A2ML1: variants seen among roughly 807,000 people sequenced by gnomAD.
A2ML1 encodes alpha-2-macroglobulin like 1.
A neutral mutation model predicts 181.9 loss-of-function variants in A2ML1; 161 were observed. The observed-to-expected ratio is 0.89, with a 90% CI of 0.78 to 1.01. The LOEUF is 1.01. Among genes scored for constraint, A2ML1 ranks in the 50% least tolerant of loss-of-function variants. The pLI, the probability that A2ML1 is intolerant of heterozygous loss-of-function variation, is 0.00. For synonymous variants in A2ML1, 663 were observed against 666.8 expected, an observed-to-expected ratio of 0.99 and a Z score of 0.09; for missense variants, 1,670 against 1,768.1, an observed-to-expected ratio of 0.94 and a Z score of 1.00.
chr12:8,866,167 CAGT>C (rs973635180), intron 29 of A2ML1, among the ~76,000 whole-genome samples: 25 of 151,856 alleles, frequency 1.6e-4, no homozygotes, highest in African/African-American at 5.8e-4. Context: ...TAGCCGGGCA[CAGT>C]GGTGGGCGCC....
rs776853012 is a variant in A2ML1 at position 8,852,256 on chromosome 12, G to A, written c.2510G>A (p.Trp837Ter). 19 of 1,613,928 alleles carry A rather than the reference G, an allele frequency of 1.2e-5. No homozygotes were observed. Among genetic ancestry groups the A allele is most frequent in the Non-Finnish European group, 1.4e-5 (17 of 1,179,990 alleles). ...AKSHEYQLES[W>*]ADSQTSSCLC... ...TCGCATGAGTACCAGCTAGAATCAT[G>A]GGCAGATTCTCAGACCTCCAGTTGT... is the stretch of plus-strand genomic sequence containing the variant. Residue 837 changes from tryptophan to a stop codon, truncating the protein, a stop_gained, in exon 20 of 36, where the codon TGG becomes TAG. Coordinates refer to ENST00000299698, the MANE Select transcript of A2ML1 (RefSeq NM_144670.6). LOFTEE classifies it high-confidence loss of function. This position sits in a 1 kb window ranked among gnomAD's most constrained non-coding sequence, Gnocchi z 4.2.
intron 7 of A2ML1, among the ~76,000 whole-genome samples, chr12:8,882,520 CTG>C (rs1944881193): frequency 6.6e-6 from 1 of 152,202 alleles, no homozygotes; most frequent in Non-Finnish European, 1.5e-5. Flanking sequence ...CTCATCCAGA[CTG>C]TTGCAAAAAC....
chr12:8,885,517 G>A (rs1181709152), intron 7 of A2ML1, among the ~76,000 whole-genome samples: 1 of 152,028 alleles, frequency 6.6e-6, no homozygotes, highest in Non-Finnish European at 1.5e-5. Flanking sequence ...GAGTACAGTG[G>A]TGCAATCTCA....
rs1943925598 is a variant in A2ML1, at chr12:8,852,425, C to G, written c.2590+89C>G. On this transcript the variant is annotated intron_variant, in intron 20 of 35. Coordinates refer to ENST00000299698, the MANE Select transcript of A2ML1 (RefSeq NM_144670.6). The surrounding 1 kb of genome is among the most constrained non-coding windows in gnomAD (Gnocchi z 4.2). Reference sequence around the variant, plus strand: ...TCAGTCTTTTCCTCTGCCACATCTGCTTTGCTTCCTCCTCCATTTTCCACT... The same window carrying G: ...TCAGTCTTTTCCTCTGCCACATCTGGTTTGCTTCCTCCTCCATTTTCCACT... 1 of 1,554,150 alleles carries G rather than the reference C, an allele frequency of 6.4e-7. No homozygotes were observed. The highest frequency in any genetic ancestry group is 8.8e-7 in the Non-Finnish European group (1 of 1,142,842).
In A2ML1 at chr12:8,843,378, G is replaced by A. The variant is rs1454024382; in HGVS notation, c.1476+17G>A. The stretch of plus-strand genomic sequence containing the variant: ...TCCTACTATGTGAGACCGGGAAACG[G>A]GGACGGGTGAGAGTATGCTGGGAAG... On this transcript the variant is annotated intron_variant, in intron 12 of 35. Coordinates refer to ENST00000299698, the MANE Select transcript of A2ML1 (RefSeq NM_144670.6). The A allele has an allele frequency of 1.2e-6, 2 of 1,609,438 alleles. No individual in the cohort carries two copies. Among genetic ancestry groups the A allele is most frequent in the Admixed American group, 1.7e-5 (1 of 59,912 alleles).
At chr12:8,883,566 C>T (rs1490124651) in intron 7 of A2ML1, among the ~76,000 whole-genome samples, 1 of 152,066 alleles carries the variant, frequency 6.6e-6, no homozygotes, top group African/African-American at 2.4e-5. Flanking sequence ...CAACCTCCAC[C>T]TCCCAGGTTC....
intron 7 of A2ML1, among the ~76,000 whole-genome samples, chr12:8,882,295 T>A (rs1944879232): frequency 6.6e-6 from 1 of 152,176 alleles, no homozygotes; most frequent in Non-Finnish European, 1.5e-5. Flanking sequence ...CCCATAACAA[T>A]GGCCTCTTGA....
intron 3 of A2ML1, among the ~76,000 whole-genome samples, chr12:8,825,746 T>G (rs1942908436): frequency 6.6e-6 from 1 of 152,140 alleles, no homozygotes. Context: ...GATTTAAATC[T>G]TTCATCCATT....
chr12:8,839,868 C>T (rs933204625), intron 10 of A2ML1, among the ~76,000 whole-genome samples: 1 of 152,142 alleles, frequency 6.6e-6, no homozygotes, highest in Non-Finnish European at 1.5e-5. Context: ...CTGTCTCAGC[C>T]TCCTGAGTAG....
At position 8,858,093 on chromosome 12, in the gene A2ML1, A is replaced by T; in HGVS notation, c.3255A>T (p.Thr1085=). 1 of 1,614,126 alleles carries T rather than the reference A, an allele frequency of 6.2e-7. No homozygotes were observed. The highest frequency in any genetic ancestry group is 2.2e-5 in the East Asian group (1 of 44,892). The part of the protein sequence containing the change: ...CYANVGNLLH[T]AMKGGVDDEV... ...CCAACGTGGGAAATCTCCTTCACAC[A>T]GCTATGAAGGTGCGGATCTGTCCAG... The change falls in exon 26 of 36, where the codon ACA becomes ACT. Residue 1085 remains threonine (T), a synonymous_variant. Coordinates refer to ENST00000299698, the MANE Select transcript of A2ML1 (RefSeq NM_144670.6).
rs1470812638 is a variant in A2ML1 at position 8,847,627 on chromosome 12, C to T, written c.1762C>T (p.Leu588=). ...GCAGCTGCAGGCAGCTCCCGGATCC[C>T]TGTGTGCGCTCCGGGCGGTGGATGA... ...ELQLQAAPGS[L]CALRAVDESV... is the part of the protein sequence containing the mutation. The change falls in exon 15 of 36, where the codon CTG becomes TTG. Residue 588 remains leucine, a synonymous_variant. Transcript: ENST00000299698. 2 of 1,613,842 alleles carry T rather than the reference C, an allele frequency of 1.2e-6. No individual in the cohort carries two copies. Among genetic ancestry groups the T allele is most frequent in the Non-Finnish European group, 1.7e-6 (2 of 1,179,894 alleles).
intron 13 of A2ML1, 91 bp from the exon 14 acceptor site, chr12:8,845,986 C>T: frequency 6.9e-7 from 1 of 1,457,820 alleles, no homozygotes; most frequent in Non-Finnish European, 9.5e-7. Context: ...ATGGTGCCTG[C>T]ACTGGCTCAG....
At chr12:8,877,768 C>T (rs767796984), downstream of A2ML1, among the ~76,000 whole-genome samples, 2 of 152,180 alleles carry the variant, frequency 1.3e-5, no homozygotes, top group Non-Finnish European at 2.9e-5. Context: ...CTGTGGAAAG[C>T]AGTTTGGAGT....
intron 23 of A2ML1, among the ~76,000 whole-genome samples, chr12:8,856,860 T>C (rs1944079578): frequency 6.6e-6 from 1 of 151,866 alleles, no homozygotes; most frequent in African/African-American, 2.4e-5. Context: ...GAGACCGAGT[T>C]TGATTTACTG....
chr12:8,843,421 G>A, intron 12 of A2ML1, 60 bp downstream of exon 12: 2 of 1,542,190 alleles, frequency 1.3e-6, no homozygotes, highest in South Asian at 2.4e-5. Flanking sequence ...AATGAGAAGA[G>A]TCAGCCAGAG....
chr12:8,871,653 T>G (rs1195274844), intron 33 of A2ML1, among the ~76,000 whole-genome samples: 1 of 152,154 alleles, frequency 6.6e-6, no homozygotes, highest in Non-Finnish European at 1.5e-5. Flanking sequence ...TCCATACATT[T>G]CTGCCAATTG....
chr12:8,852,347 G>A lies in A2ML1; in HGVS notation c.2590+11G>A. Reference sequence around the variant, plus strand: ...CAGCTGTCAAATTGGGTAAGAGAGGGAAGTGGTAGACGGGCGAGGAAAGCC... The same window carrying A: ...CAGCTGTCAAATTGGGTAAGAGAGGAAAGTGGTAGACGGGCGAGGAAAGCC... On this transcript the variant is annotated intron_variant, in intron 20 of 35. Transcript: ENST00000299698. This position sits in a 1 kb window ranked among gnomAD's most constrained non-coding sequence, Gnocchi z 4.2. The A allele has an allele frequency of 6.2e-7, 1 of 1,614,000 alleles. No individual in the cohort carries two copies. Among genetic ancestry groups the A allele is most frequent in the Non-Finnish European group, 8.5e-7 (1 of 1,179,926 alleles).
At chr12:8,834,938 C>G (rs890499822) in intron 5 of A2ML1, 2 of 525,918 alleles carry the variant, frequency 3.8e-6, no homozygotes, top group Non-Finnish European at 3.4e-6. Flanking sequence ...ATTCCCCTAA[C>G]TTCTCTGTGC....
At position 8,831,324 on chromosome 12, in the gene A2ML1, C is replaced by T. The variant is rs146329218; in HGVS notation, c.462+1545C>T. ...GAAGTGCTGGGTTCAAAGCGTGGCC[C>T]GCAGCAGCACTATTTTAGACTCACT... On this transcript the variant is annotated intron_variant, in intron 4 of 35. Transcript: ENST00000299698. Among the ~76,000 whole-genome samples, 248 of 152,226 alleles carry T rather than the reference C, an allele frequency of 1.6e-3. 1 individual carries two copies. Among genetic ancestry groups the T allele is most frequent in the African/African-American group, 5.8e-3 (239 of 41,544 alleles).
Sources: gnomAD v4.1 joint callset for allele counts (sites outside exome capture counted in the v4.1 genomes callset) on GRCh38, gnomAD v4.1.1 for gene constraint, Gnocchi (gnomAD v3.1) non-coding constraint, MANE v1.5 for transcripts, NCBI Gene and HGNC (gene_info 2026-07-23, HGNC 2026-07-21) for gene names.